ACO1: variants seen among roughly 807,000 people sequenced by gnomAD.
ACO1 encodes the protein aconitase 1.
A neutral mutation model predicts 105.1 loss-of-function variants in ACO1; 78 were observed. The observed-to-expected ratio is 0.74, with a 90% CI of 0.62 to 0.90. The LOEUF is 0.90. Ranked by LOEUF, ACO1 falls within the 40% of genes least tolerant of loss-of-function variation. ACO1 has a pLI of 0.00. For synonymous variants in ACO1, 364 were observed against 397.4 expected (o/e 0.92, Z 1.00); for missense variants, 965 against 1,111.1 (o/e 0.87, Z 1.87).
At chr9:32,413,366 C>T (rs948326105) in intron 4 of ACO1, among the ~76,000 whole-genome samples, 1 of 151,750 alleles carries the variant, frequency 6.6e-6, no homozygotes, top group African/African-American at 2.4e-5. Flanking sequence ...TGCCTGTAGT[C>T]CCAGCTACTC....
chr9:32,403,333 A>G (rs1414005206), intron 1 of ACO1, among the ~76,000 whole-genome samples: 1 of 152,238 alleles, frequency 6.6e-6, no homozygotes, highest in Non-Finnish European at 1.5e-5. Flanking sequence ...ATGTGCTGGT[A>G]TAACTAACTG....
At chr9:32,400,507 T>A (rs1478587545) in intron 1 of ACO1, among the ~76,000 whole-genome samples, 1 of 152,158 alleles carries the variant, frequency 6.6e-6, no homozygotes, top group Non-Finnish European at 1.5e-5. Flanking sequence ...TTGGTGAATA[T>A]CAAAGGACAT....
intron 4 of ACO1, among the ~76,000 whole-genome samples, chr9:32,415,479 T>C (rs1821827476): frequency 6.6e-6 from 1 of 152,132 alleles, no homozygotes; most frequent in African/African-American, 2.4e-5. Context: ...CATCAGGGTT[T>C]GACCCATTGA....
intron 11 of ACO1, 53 bp from the exon 12 acceptor site, chr9:32,427,248 G>A (rs1822119847): frequency 1.2e-6 from 2 of 1,605,530 alleles, no homozygotes; most frequent in Non-Finnish European, 1.7e-6. Context: ...AAGTGTGCCT[G>A]GCACCTAGAG....
intron 1 of ACO1, 59 bp from the exon 2 acceptor site, chr9:32,405,426 T>C (rs571682590): frequency 2.3e-4 from 233 of 1,017,750 alleles, no homozygotes; most frequent in Non-Finnish European, 3.4e-4. Context: ...CTCCCAGTCC[T>C]GATTTCTAGG....
intron 15 of ACO1, among the ~76,000 whole-genome samples, chr9:32,433,272 C>T (rs983016734): frequency 6.6e-6 from 1 of 152,174 alleles, no homozygotes; most frequent in African/African-American, 2.4e-5. Context: ...CTTGCTTTGT[C>T]ACCCAGGCTG....
intron 19 of ACO1, 65 bp downstream of exon 19, chr9:32,440,652 A>G: frequency 6.4e-7 from 1 of 1,563,916 alleles, no homozygotes; most frequent in Non-Finnish European, 8.7e-7. Context: ...CCCAGGCACA[A>G]ATCCTGTTGC....
At chr9:32,402,818 C>A (rs1235917954) in intron 1 of ACO1, among the ~76,000 whole-genome samples, 1 of 152,122 alleles carries the variant, frequency 6.6e-6, no homozygotes, top group Admixed American at 6.5e-5. Flanking sequence ...ATGGGTGGAA[C>A]CTTGAAGTGG....
chr9:32,389,563 G>A (rs1821222612), intron 1 of ACO1, among the ~76,000 whole-genome samples: 1 of 151,996 alleles, frequency 6.6e-6, no homozygotes, highest in African/African-American at 2.4e-5. Flanking sequence ...ACATTGTGCT[G>A]TGTCTGCTTC....
intron 12 of ACO1, among the ~76,000 whole-genome samples, chr9:32,428,679 A>C (rs1409463510): frequency 2.0e-5 from 3 of 152,088 alleles, no homozygotes; most frequent in Non-Finnish European, 2.9e-5. Context: ...TCTACTGAAA[A>C]TACAAAAAAA....
intron 4 of ACO1, 138 bp downstream of exon 4, chr9:32,408,789 A>T: frequency 1.9e-6 from 2 of 1,025,978 alleles, no homozygotes; most frequent in Non-Finnish European, 2.7e-6. Flanking sequence ...CTTCATATAC[A>T]TTTCGCAGTA....
chr9:32,435,905 T>A, intron 17 of ACO1: 1 of 394,186 alleles, frequency 2.5e-6, no homozygotes, highest in South Asian at 2.0e-5. Context: ...TTCTCACTTA[T>A]TTTTAATTTA....
At chr9:32,436,157 T>G (rs1822352583) in intron 17 of ACO1, 93 bp from the exon 18 acceptor site, 1 of 1,514,040 alleles carries the variant, frequency 6.6e-7, no homozygotes, top group African/African-American at 1.4e-5. Context: ...GTCTATGTTT[T>G]GTTTTGTTTT....
chr9:32,448,479 CCAAGCCAGG>C (rs1822672872), intron 19 of ACO1, among the ~76,000 whole-genome samples: 1 of 152,234 alleles, frequency 6.6e-6, no homozygotes, highest in Admixed American at 6.5e-5. Flanking sequence ...GTGGGACCCA[CCAAGCCAGG>C]CACTGGAGGG....
chr9:32,435,855 A>G (rs545646076), intron 17 of ACO1: 1 of 346,018 alleles, frequency 2.9e-6, no homozygotes, highest in East Asian at 7.5e-5. Flanking sequence ...TTGTGGCTCC[A>G]TCTGATTTGC....
At chr9:32,388,863 A>T (rs971449608) in intron 1 of ACO1, among the ~76,000 whole-genome samples, 1 of 152,222 alleles carries the variant, frequency 6.6e-6, no homozygotes, top group South Asian at 2.1e-4. Context: ...CCAACAACGT[A>T]TACTTTCGGA....
intron 2 of ACO1, among the ~76,000 whole-genome samples, chr9:32,405,973 AAC>A (rs1179699371): frequency 6.6e-6 from 1 of 152,238 alleles, no homozygotes; most frequent in African/African-American, 2.4e-5. Flanking sequence ...GCAGGACAAG[AAC>A]ACAGTCTTTT....
chr9:32,397,304 C>A (rs1483058789), intron 1 of ACO1, among the ~76,000 whole-genome samples: 1 of 152,170 alleles, frequency 6.6e-6, no homozygotes, highest in Non-Finnish European at 1.5e-5. Flanking sequence ...CTTCAAAGTT[C>A]TTCTAGTTAC....
At chr9:32,420,300 G>A (rs901998867) in intron 7 of ACO1, among the ~76,000 whole-genome samples, 4 of 152,170 alleles carry the variant, frequency 2.6e-5, no homozygotes, top group African/African-American at 9.7e-5. Context: ...CTTAACTAGT[G>A]CAAGTAGTTA....
Sources: gnomAD v4.1 joint callset for allele counts (sites outside exome capture counted in the v4.1 genomes callset) on GRCh38, gnomAD v4.1.1 for gene constraint, MANE v1.5 for transcripts, NCBI Gene and HGNC (gene_info 2026-07-23, HGNC 2026-07-21) for gene names.